The following PRMT8 variants were observed in gnomAD, a reference collection of about 807,000 sequenced individuals.
The protein encoded by PRMT8 is protein arginine methyltransferase 8.
PRMT8 carries 7 observed loss-of-function variants against 47.1 expected under a neutral mutation model. The ratio of observed to expected loss-of-function variants is 0.15; its 90% CI spans 0.08 to 0.28. The LOEUF (loss-of-function observed/expected upper bound fraction) is 0.28. Ranked by LOEUF, PRMT8 falls within the 10% of genes least tolerant of loss-of-function variation. The pLI is 1.00. For synonymous variants in PRMT8, 188 were observed against 186.5 expected, an observed-to-expected ratio of 1.01 and a Z score of -0.07; for missense variants, 237 against 505.4, an observed-to-expected ratio of 0.47 and a Z score of 5.09.
chr12:3,491,887 TGTTGGTGGGG>T (rs1865414661), intron 1 of PRMT8, among the ~76,000 whole-genome samples, 187 bp downstream of exon 1: 1 of 45,280 alleles, frequency 2.2e-5, no homozygotes, highest in African/African-American at 9.3e-5. Flanking sequence ...TGTGTGTGTG[TGTTGGTGGGG>T]GGTGGGGGGG....
intron 1 of PRMT8, among the ~76,000 whole-genome samples, chr12:3,417,909 C>T (rs943948658): frequency 1.2e-4 from 18 of 152,260 alleles, no homozygotes; most frequent in Non-Finnish European, 2.4e-4. Flanking sequence ...TTTCATATCC[C>T]GGCTCTGCTC....
chr12:3,449,164 T>A (rs1864891717), intron 1 of PRMT8, among the ~76,000 whole-genome samples: 1 of 152,246 alleles, frequency 6.6e-6, no homozygotes, highest in African/African-American at 2.4e-5. Context: ...TGATTCCATG[T>A]CTTTGCTATT....
rs147970974 is a variant in PRMT8 at position 3,426,270 on chromosome 12, C to T, written c.48+44828C>T. Reference sequence around the variant, plus strand: ...TTGATCCATTCCAACCTGGCATTTGCATCTTGGTATCCTGTCTTAACTGCC... The same window carrying T: ...TTGATCCATTCCAACCTGGCATTTGTATCTTGGTATCCTGTCTTAACTGCC... On this transcript the variant is annotated intron_variant, in intron 1 of 9. Coordinates refer to the PRMT8 transcript ENST00000452611. Among the ~76,000 whole-genome samples, 910 of 152,350 alleles carry T rather than the reference C, an allele frequency of 6.0e-3. 14 individuals carry two copies. Among genetic ancestry groups the T allele is most frequent in the African/African-American group, 0.021 (877 of 41,576 alleles).
At chr12:3,511,266 G>A (rs1014419759) in intron 1 of PRMT8, among the ~76,000 whole-genome samples, 1 of 152,168 alleles carries the variant, frequency 6.6e-6, no homozygotes, top group African/African-American at 2.4e-5. Flanking sequence ...ATGCCCATGG[G>A]TGCTGAATTC....
At position 3,535,956 on chromosome 12, in the gene PRMT8, C is replaced by T. The variant is rs1414252964; in HGVS notation, c.76-4650C>T. 1.3e-5 allele frequency among the ~76,000 whole-genome samples: 2 copies of T among 152,148 alleles called. No homozygotes were observed. The highest frequency in any genetic ancestry group is 2.4e-5 in the African/African-American group (1 of 41,432). On this transcript the variant is annotated intron_variant, in intron 1 of 9. Coordinates refer to ENST00000382622, the MANE Select transcript of PRMT8 (RefSeq NM_019854.5). This position sits in a 1 kb window ranked among gnomAD's most constrained non-coding sequence, Gnocchi z 4.7. ...GAGCCTTCTGACTTTACAGAGGAGA[C>T]CACTGTCATCCCCCAAGACCTATCC...
rs1754305731 is a variant in PRMT8, at chr12:3,492,237, C to T, written c.75+537C>T. ...CGCGGAGAGCCCCCGGCCGCGGGGG[C>T]CGAGCCGGCAGGAGGACTCGGGCAC... On this transcript the variant is annotated intron_variant, in intron 1 of 9. Transcript: ENST00000382622. This position sits in a 1 kb window ranked among gnomAD's most constrained non-coding sequence, Gnocchi z 7.5. 6.6e-6 allele frequency among the ~76,000 whole-genome samples: 1 copy of T among 152,082 alleles called. No individual in the cohort carries two copies. Among genetic ancestry groups the T allele is most frequent in the Non-Finnish European group, 1.5e-5 (1 of 68,006 alleles).
chr12:3,581,210 G>T (rs927237935), intron 7 of PRMT8, among the ~76,000 whole-genome samples: 1 of 152,182 alleles, frequency 6.6e-6, no homozygotes, highest in Admixed American at 6.5e-5. Flanking sequence ...GAGGAGAAAG[G>T]CCAGGGTGAT....
At chr12:3,521,775 G>A (rs1865884257) in intron 1 of PRMT8, among the ~76,000 whole-genome samples, 1 of 152,194 alleles carries the variant, frequency 6.6e-6, no homozygotes, top group South Asian at 2.1e-4. Context: ...GGAGACTAAA[G>A]TATCTGCTGG....
In PRMT8 at chr12:3,583,231, G is replaced by T; in HGVS notation, c.979+23G>T. 6.3e-7 allele frequency: 1 copy of T among 1,596,986 alleles called. No individual in the cohort carries two copies. On this transcript the variant is annotated intron_variant, in intron 8 of 9. Transcript: ENST00000382622. The surrounding 1 kb of genome is among the most constrained non-coding windows in gnomAD (Gnocchi z 4.7). ...CAGGTGAGCTGTTTGTTGCTTCCCA[G>T]AGCCTCCTCCCTCTCCCATGCTTCC...
At chr12:3,544,518 G>C (rs1591594954) in intron 2 of PRMT8, among the ~76,000 whole-genome samples, 1 of 152,308 alleles carries the variant, frequency 6.6e-6, no homozygotes, top group Non-Finnish European at 1.5e-5. Flanking sequence ...GCAAATACAG[G>C]CTTCATGTCC....
chr12:3,547,993 G>A (rs1166363772), intron 2 of PRMT8, among the ~76,000 whole-genome samples: 1 of 152,154 alleles, frequency 6.6e-6, no homozygotes, highest in African/African-American at 2.4e-5. Context: ...CTCTCACTAC[G>A]TTATTTCAAA....
intron 1 of PRMT8, among the ~76,000 whole-genome samples, chr12:3,406,750 G>A (rs572172962): frequency 6.6e-6 from 1 of 152,292 alleles, no homozygotes; most frequent in African/African-American, 2.4e-5. Context: ...AAATCTGTAG[G>A]AAGTTCCAAA....
Position 3,569,584 on chromosome 12 carries a change from T to C in PRMT8, c.712+20T>C, listed in dbSNP as rs1297107931. 2 of 1,601,816 alleles carry C rather than the reference T, an allele frequency of 1.2e-6. No individual in the cohort carries two copies. Among genetic ancestry groups the C allele is most frequent in the East Asian group, 2.2e-5 (1 of 44,806 alleles). On this transcript the variant is annotated intron_variant, in intron 6 of 9. Transcript: ENST00000382622. This position sits in a 1 kb window ranked among gnomAD's most constrained non-coding sequence, Gnocchi z 8.2. ...TCCACTGTAAGTCCCCTCTTGCTTC[T>C]CCGGTGGACTTCCACTGCACAATTG...
chr12:3,563,574 C>T (rs1866671685), intron 4 of PRMT8, among the ~76,000 whole-genome samples: 2 of 152,232 alleles, frequency 1.3e-5, no homozygotes, highest in South Asian at 2.1e-4. Context: ...GTAGGTTAGT[C>T]CTTTGCCTTC....
At chr12:3,425,613 CACCT>C (rs1864596180) in intron 1 of PRMT8, among the ~76,000 whole-genome samples, 1 of 152,236 alleles carries the variant, frequency 6.6e-6, no homozygotes, top group African/African-American at 2.4e-5. Flanking sequence ...TATTAACTGT[CACCT>C]ACCAAAATAT....
chr12:3,474,528 G>A (rs551047825), intron 1 of PRMT8, among the ~76,000 whole-genome samples: 12 of 152,178 alleles, frequency 7.9e-5, no homozygotes, highest in African/African-American at 2.7e-4. Context: ...TGAGGGGCTT[G>A]TCCTCCCCAG....
rs138840091 is a variant in PRMT8, at chr12:3,577,479, C to T, written c.828+493C>T. Among the ~76,000 whole-genome samples, 1,089 of 150,026 alleles carry T rather than the reference C, an allele frequency of 7.3e-3. 18 individuals carry two copies. Among genetic ancestry groups the T allele is most frequent in the African/African-American group, 0.025 (1,005 of 40,566 alleles). ...TCCTGAGCGTCCCTGTTCATGCTCT[C>T]GCCTCCACATACACCTTTGCCCCAG... On this transcript the variant is annotated intron_variant, in intron 7 of 9. Coordinates refer to ENST00000382622, the MANE Select transcript of PRMT8 (RefSeq NM_019854.5).
At chr12:3,561,534 C>T (rs996109460) in intron 4 of PRMT8, among the ~76,000 whole-genome samples, 1 of 152,174 alleles carries the variant, frequency 6.6e-6, no homozygotes, top group Non-Finnish European at 1.5e-5. Context: ...GGGGTCACTG[C>T]TCCCGGTTTG....
chr12:3,450,193 G>A (rs1338786111), intron 1 of PRMT8, among the ~76,000 whole-genome samples: 6 of 152,154 alleles, frequency 3.9e-5, no homozygotes, highest in African/African-American at 1.4e-4. Flanking sequence ...TCAAAAAGTG[G>A]TGGTTTCTTA....
Sources: gnomAD v4.1 joint callset for allele counts (sites outside exome capture counted in the v4.1 genomes callset) on GRCh38, gnomAD v4.1.1 for gene constraint, Gnocchi (gnomAD v3.1) non-coding constraint, MANE v1.5 for transcripts, NCBI Gene and HGNC (gene_info 2026-07-23, HGNC 2026-07-21) for gene names.